PCDHA2: variants seen among roughly 807,000 people sequenced by gnomAD.
PCDHA2 encodes protocadherin alpha-2.
A neutral mutation model predicts 66.0 loss-of-function variants in PCDHA2; 58 were observed. The observed-to-expected ratio is 0.88, with a 90% CI of 0.71 to 1.09. The LOEUF is 1.09. Ranked by LOEUF, PCDHA2 falls within the 50% of genes least tolerant of loss-of-function variation. The pLI is 0.00. For synonymous variants in PCDHA2, 634 were observed against 554.0 expected (o/e 1.14, Z -2.03); for missense variants, 1,267 against 1,242.3 (o/e 1.02, Z -0.30).
intron 1 of PCDHA2, chr5:140,928,280 C>T (rs781831365): frequency 6.2e-7 from 1 of 1,614,076 alleles, no homozygotes; most frequent in African/African-American, 1.3e-5. Context: ...CCTGGGGCCT[C>T]TCTAGGCCGA....
At chr5:140,857,718 A>G in intron 1 of PCDHA2, 1 of 1,597,160 alleles carries the variant, frequency 6.3e-7, no homozygotes, top group Non-Finnish European at 8.6e-7. Context: ...GTGCTGGACG[A>G]GAACGACAAC....
intron 1 of PCDHA2, chr5:140,883,300 T>C (rs782541976): frequency 6.2e-7 from 1 of 1,613,974 alleles, no homozygotes; most frequent in African/African-American, 1.3e-5. Flanking sequence ...TAGATGTAAA[T>C]GATAACGCCC....
chr5:140,807,016 T>C (rs1554123722), intron 1 of PCDHA2: 5 of 794,686 alleles, frequency 6.3e-6, no homozygotes, highest in Middle Eastern at 2.3e-4. Context: ...ACAAAATACA[T>C]GAGAGAAGGA....
Position 140,802,380 on chromosome 5 carries a change from T to A in PCDHA2, c.2388+5028T>A, listed in dbSNP as rs782625772. The A allele has an allele frequency of 5.4e-5, 87 of 1,614,132 alleles. No individual in the cohort carries two copies. The highest frequency in any genetic ancestry group is 6.4e-5 in the Non-Finnish European group (75 of 1,180,040). On this transcript the variant is annotated intron_variant, in intron 1 of 3. Coordinates refer to ENST00000526136, the MANE Select transcript of PCDHA2 (RefSeq NM_018905.3). ...CTGCTCGCTGACGCCCCACGTCCCC[T>A]TCAAGCTGGTGTCCACCTTCAAGAA...
intron 3 of PCDHA2, among the ~76,000 whole-genome samples, chr5:140,999,527 C>G (rs578180518): frequency 6.6e-6 from 1 of 152,088 alleles, no homozygotes; most frequent in Non-Finnish European, 1.5e-5. Context: ...TTGTTACCCC[C>G]TGGATATGAC....
chr5:140,862,830 C>A (rs781933426), intron 1 of PCDHA2: 1 of 572,350 alleles, frequency 1.7e-6, no homozygotes, highest in South Asian at 1.4e-5. Context: ...GAGCGCGCGA[C>A]GCGGGCATGC....
At chr5:140,828,051 C>G in intron 1 of PCDHA2, 3 of 1,545,276 alleles carry the variant, frequency 1.9e-6, no homozygotes, top group Non-Finnish European at 2.6e-6. Flanking sequence ...TATCTTTATG[C>G]GGAAGATCTT....
intron 1 of PCDHA2, among the ~76,000 whole-genome samples, chr5:140,872,315 AAAT>A (rs1554166135): frequency 1.3e-5 from 2 of 152,130 alleles, no homozygotes. Context: ...TGCTTTATGG[AAAT>A]AATATGACTA....
chr5:140,875,749 G>C, intron 1 of PCDHA2: 1 of 1,614,264 alleles, frequency 6.2e-7, no homozygotes, highest in Non-Finnish European at 8.5e-7. Flanking sequence ...GATCGACCGC[G>C]AGAAGCTGTG....
At chr5:140,835,585 T>G in intron 1 of PCDHA2, 1 of 1,613,922 alleles carries the variant, frequency 6.2e-7, no homozygotes, top group South Asian at 1.1e-5. Context: ...GTGTCCACCT[T>G]CAAGAATTAC....
At chr5:140,977,703 A>G (rs1407162368) in intron 1 of PCDHA2, among the ~76,000 whole-genome samples, 1 of 152,192 alleles carries the variant, frequency 6.6e-6, no homozygotes, top group Non-Finnish European at 1.5e-5. Context: ...ATCTGTCTGA[A>G]TATTGAGATG....
At chr5:140,862,837 A>T (rs1562571150) in intron 1 of PCDHA2, 1 of 575,832 alleles carries the variant, frequency 1.7e-6, no homozygotes, top group African/African-American at 1.9e-5. Context: ...CGACGCGGGC[A>T]TGCCGCCTCT....
chr5:140,926,959 G>C (rs781794027), intron 1 of PCDHA2: 23 of 1,603,904 alleles, frequency 1.4e-5, no homozygotes, highest in Non-Finnish European at 1.9e-5. Context: ...GGGACAGCTC[G>C]AGTACTCAGT....
At chr5:140,908,226 T>A (rs1488573035) in intron 1 of PCDHA2, among the ~76,000 whole-genome samples, 1 of 152,140 alleles carries the variant, frequency 6.6e-6, no homozygotes, top group Non-Finnish European at 1.5e-5. Flanking sequence ...GAACCAGTCC[T>A]TAGTCTTCTC....
At chr5:140,967,060 G>A in intron 1 of PCDHA2, 1 of 1,612,802 alleles carries the variant, frequency 6.2e-7, no homozygotes, top group Non-Finnish European at 8.5e-7. Flanking sequence ...CGAGTGGAGC[G>A]CTCTTCGTCA....
chr5:140,849,774 G>A lies in PCDHA2; in HGVS notation c.2388+52422G>A, dbSNP rs2150449369. On this transcript the variant is annotated intron_variant, in intron 1 of 3. Transcript: ENST00000526136. ...GTCCGCCTACGAGCTGGTGGTTACC[G>A]CGCGGGACGGGGGCTCGCCTTCACT... 3 of 1,598,480 alleles carry A rather than the reference G, an allele frequency of 1.9e-6. No individual in the cohort carries two copies. In the South Asian group the frequency reaches 3.3e-5, roughly 18 times the overall value.
chr5:140,850,154 G>A, intron 1 of PCDHA2: 1 of 1,595,410 alleles, frequency 6.3e-7, no homozygotes, highest in Non-Finnish European at 8.6e-7. Context: ...CGCTGCAGGT[G>A]TTCGTGCTGG....
At chr5:140,914,788 T>G (rs2076845575) in intron 1 of PCDHA2, among the ~76,000 whole-genome samples, 1 of 152,192 alleles carries the variant, frequency 6.6e-6, no homozygotes, top group South Asian at 2.1e-4. Context: ...TTATGACCCA[T>G]TATTTTAAAC....
chr5:140,928,623 A>G (rs1554206072), intron 1 of PCDHA2: 1 of 1,614,210 alleles, frequency 6.2e-7, no homozygotes, highest in African/African-American at 1.3e-5. Flanking sequence ...CCAGGACTGG[A>G]CACTTGGTCA....
Sources: allele counts gnomAD v4.1 joint callset (sites outside exome capture counted in the v4.1 genomes callset), GRCh38; gene constraint gnomAD v4.1.1; transcripts MANE v1.5; gene names NCBI Gene and HGNC (gene_info 2026-07-23, HGNC 2026-07-21).